NDNF: variants seen among roughly 807,000 people sequenced by gnomAD.
NDNF encodes the protein protein NDNF.
NDNF carries 16 observed loss-of-function variants against 42.0 expected under a neutral mutation model. The observed-to-expected ratio is 0.38, with a 90% CI of 0.26 to 0.58. NDNF has a LOEUF of 0.58. Ranked by LOEUF, NDNF falls within the 20% of genes least tolerant of loss-of-function variation. NDNF has a pLI of 0.67. For missense variants in NDNF, 616 were observed against 666.2 expected (o/e 0.92, Z 0.83); for synonymous variants, 248 against 251.7 (o/e 0.99, Z 0.14).
rs1157458630 is a variant in NDNF, at chr4:121,039,108, CCT to C, written c.313+820_313+821del. 4 of 139,750 alleles carry C rather than the reference CCT, an allele frequency of 2.9e-5. No homozygotes were observed. In the South Asian group the frequency reaches 9.3e-4, roughly 32 times the overall value. 8.7% of individuals were successfully genotyped at this position (139,750 alleles called of 1,614,324 possible). A position where few individuals can be genotyped will look rare whatever the true frequency, so the allele number is the denominator to read the frequency against. On this transcript the variant is annotated intron_variant, in intron 3 of 3. Coordinates refer to ENST00000379692, the MANE Select transcript of NDNF (RefSeq NM_024574.4). ...CCCTCTTTGAAACTACTATAGCTAG[CCT>C]TTGTAGATACGTATACATAGTTATA...
chr4:121,036,832 G>C lies in NDNF; in HGVS notation c.1139C>G (p.Ser380Cys), dbSNP rs758772990. 6 of 1,614,042 alleles carry C rather than the reference G, an allele frequency of 3.7e-6. No homozygotes were observed. In the East Asian group the frequency reaches 1.1e-4, roughly 30 times the overall value. ...TTGGATTTGGACAGCATCCAGACAA[G>C]AGTGAATAAAGAAGGTGACTTTTTG... ...SHQKVTFFIH[S>C]CLDAVQIQVR... Residue 380 changes from serine to cysteine, a missense_variant, in exon 4 of 4, where the codon TCT becomes TGT. By Grantham distance (112) the Ser-to-Cys change is moderately radical. Transcript: ENST00000379692.
intron 1 of NDNF, among the ~76,000 whole-genome samples, chr4:121,070,868 A>C (rs1334136215): frequency 6.6e-6 from 1 of 152,190 alleles, no homozygotes; most frequent in Non-Finnish European, 1.5e-5. Flanking sequence ...GGGGGCCAGG[A>C]GGGGAACCGC....
chr4:121,058,761 T>C (rs1727346175), intron 1 of NDNF, among the ~76,000 whole-genome samples: 1 of 152,140 alleles, frequency 6.6e-6, no homozygotes, highest in African/African-American at 2.4e-5. Flanking sequence ...AGCCTCAAAT[T>C]ATCCACTTAT....
chr4:121,065,751 A>G lies in NDNF; in HGVS notation c.-2+6242T>C, dbSNP rs1455950039. On this transcript the variant is annotated intron_variant, in intron 1 of 3. Transcript: ENST00000379692. ...ACACACACACACACATATATTTTAC[A>G]TATGTTTTATACATATATATGTATA... is the stretch of plus-strand genomic sequence containing the variant. Among the ~76,000 whole-genome samples, 36 of 151,768 alleles carry G rather than the reference A, an allele frequency of 2.4e-4. 2 individuals are homozygous for G. The highest frequency in any genetic ancestry group is 2.2e-3 in the Admixed American group (34 of 15,238).
rs1048350491 is a variant in NDNF, at chr4:121,037,346, T to C, written c.625A>G (p.Ile209Val). The change falls in exon 4 of 4, where the codon ATT becomes GTT. Residue 209 changes from isoleucine to valine, a missense_variant. By Grantham distance (29) the Ile-to-Val change is conservative. Transcript: ENST00000379692. ...SPTASLLKQP[I>V]QYCVVINKEH... ...TTGTTGATGACCACACAGTACTGAA[T>C]GGGTTGTTTCAGCAAAGAGGCAGTG... 22 of 1,613,972 alleles carry C rather than the reference T, an allele frequency of 1.4e-5. No individual in the cohort carries two copies. Among genetic ancestry groups the C allele is most frequent in the African/African-American group, 2.7e-5 (2 of 74,906 alleles).
chr4:121,052,757 C>T (rs912938903), intron 1 of NDNF, among the ~76,000 whole-genome samples: 1 of 152,176 alleles, frequency 6.6e-6, no homozygotes, highest in Admixed American at 6.5e-5. Flanking sequence ...GGCAAAAATG[C>T]AGCAATCAAA....
In NDNF at chr4:121,036,930, A is replaced by G; in HGVS notation, c.1041T>C (p.Asp347=). The G allele has an allele frequency of 6.2e-7, 1 of 1,613,818 alleles. No homozygotes were observed. The highest frequency in any genetic ancestry group is 8.5e-7 in the Non-Finnish European group (1 of 1,179,982). ...TAACAAATACATCTGTTATCTTCCC[A>G]TCTTTTAGCTCGACTGTCTTCTGTT... is the stretch of plus-strand genomic sequence containing the variant. ...EAKQKTVELK[D]GKITDVFVKR... The change falls in exon 4 of 4, where the codon GAT becomes GAC. Residue 347 remains aspartate, a synonymous_variant. Transcript: ENST00000379692.
At chr4:121,059,701 T>C (rs1243988308) in intron 1 of NDNF, among the ~76,000 whole-genome samples, 3 of 152,226 alleles carry the variant, frequency 2.0e-5, no homozygotes, top group Non-Finnish European at 4.4e-5. Flanking sequence ...TCTATTCTGA[T>C]CTGAGCACAG....
intron 1 of NDNF, among the ~76,000 whole-genome samples, chr4:121,068,493 T>G (rs1034819730): frequency 1.3e-5 from 2 of 152,162 alleles, no homozygotes; most frequent in Admixed American, 6.5e-5. Context: ...AAAATAAACA[T>G]TTAGAGGTTC....
chr4:121,045,552 G>A (rs771418626), intron 2 of NDNF, 98 bp downstream of exon 2: 72 of 1,023,852 alleles, frequency 7.0e-5, no homozygotes, highest in Admixed American at 1.4e-4. Context: ...TTCATAGGTT[G>A]ATTTGTAAAT....
intron 1 of NDNF, among the ~76,000 whole-genome samples, chr4:121,052,556 T>C (rs1380248295): frequency 6.6e-6 from 1 of 152,206 alleles, no homozygotes; most frequent in Non-Finnish European, 1.5e-5. Flanking sequence ...TTGTTTTTGT[T>C]TGAATCATCC....
intron 1 of NDNF, among the ~76,000 whole-genome samples, chr4:121,056,500 G>A (rs188317466): frequency 3.3e-5 from 5 of 152,296 alleles, no homozygotes; most frequent in Admixed American, 3.3e-4. Flanking sequence ...CTTCTGAATT[G>A]AGATAACTAC....
At chr4:121,061,005 G>A in intron 1 of NDNF, among the ~76,000 whole-genome samples, 1 of 152,192 alleles carries the variant, frequency 6.6e-6, no homozygotes, top group East Asian at 1.9e-4. Flanking sequence ...AGTTAAAAGG[G>A]TTAAACTCTT....
chr4:121,060,126 C>A (rs2148770484), intron 1 of NDNF, among the ~76,000 whole-genome samples: 1 of 152,176 alleles, frequency 6.6e-6, no homozygotes, highest in Non-Finnish European at 1.5e-5. Flanking sequence ...TTTCTAAGAA[C>A]TATTATTATA....
chr4:121,036,288 A>G lies in NDNF; in HGVS notation c.1683T>C (p.Val561=). 1.2e-6 allele frequency: 2 copies of G among 1,601,848 alleles called. No individual in the cohort carries two copies. The highest frequency in any genetic ancestry group is 1.4e-5 in the African/African-American group (1 of 74,044). Reference sequence around the variant, plus strand: ...ACTAACAGAACTTTCTAGTTTTCACAACCTTACTCTGATACTTTACAGAGT... The same window carrying G: ...ACTAACAGAACTTTCTAGTTTTCACGACCTTACTCTGATACTTTACAGAGT... The part of the protein sequence containing the change: ...GGHSVKYQSK[V]VKTRKFC Residue 561 remains valine, a synonymous_variant, in exon 4 of 4, where the codon GTT becomes GTC. Coordinates refer to ENST00000379692, the MANE Select transcript of NDNF (RefSeq NM_024574.4).
chr4:121,055,710 T>A (rs1302136979), intron 1 of NDNF, among the ~76,000 whole-genome samples: 1 of 151,914 alleles, frequency 6.6e-6, no homozygotes, highest in African/African-American at 2.4e-5. Flanking sequence ...GCTAAAAAAA[T>A]AAAAAGACTG....
intron 1 of NDNF, among the ~76,000 whole-genome samples, chr4:121,060,254 C>T (rs1176966129): frequency 6.6e-6 from 1 of 151,994 alleles, no homozygotes; most frequent in Non-Finnish European, 1.5e-5. Flanking sequence ...AAGTATGGCT[C>T]ACTGCAGCCT....
At chr4:121,039,876 A>G (rs3775914) in intron 3 of NDNF, 54 bp downstream of exon 3, 347,006 of 1,560,058 alleles carry the variant, frequency 0.22, 40,771 homozygotes, top group Admixed American at 0.34. Flanking sequence ...ATGTTTCACA[A>G]GCATTAAAAC....
At chr4:121,054,048 T>C (rs1334495360) in intron 1 of NDNF, among the ~76,000 whole-genome samples, 1 of 152,212 alleles carries the variant, frequency 6.6e-6, no homozygotes, top group African/African-American at 2.4e-5. Context: ...CTGCAGTGTG[T>C]AGCACCATAA....
Sources: allele counts gnomAD v4.1 joint callset (sites outside exome capture counted in the v4.1 genomes callset), GRCh38; gene constraint gnomAD v4.1.1; transcripts MANE v1.5; gene names NCBI Gene and HGNC (gene_info 2026-07-23, HGNC 2026-07-21).